GNB3: variants seen among roughly 807,000 people sequenced by gnomAD.
GNB3 encodes guanine nucleotide-binding protein G(I)/G(S)/G(T) subunit beta-3.
Under a neutral mutation model 41.2 loss-of-function variants are expected in GNB3, and 33 were observed. The ratio of observed to expected loss-of-function variants is 0.80; its 90% CI spans 0.61 to 1.07. The LOEUF is 1.07. Among genes scored for constraint, GNB3 ranks in the 50% least tolerant of loss-of-function variants. The pLI, the probability that GNB3 is intolerant of heterozygous loss-of-function variation, is 0.00. For missense variants in GNB3, 409 were observed against 455.3 expected (o/e 0.90, Z 0.92); for synonymous variants, 172 against 173.4 (o/e 0.99, Z 0.06).
At chr12:6,845,355 G>A in intron 8 of GNB3, 1 of 518,928 alleles carries the variant, frequency 1.9e-6, no homozygotes, top group Non-Finnish European at 3.5e-6. Flanking sequence ...ACGTGGAAAT[G>A]ATGCCTGCCT....
Position 6,841,602 on chromosome 12 carries a change from G to A in GNB3, c.74G>A (p.Cys25Tyr), listed in dbSNP as rs782784328. The change falls in exon 3 of 10, where the codon TGT (cysteine) becomes TAT (tyrosine). Residue 25 changes from cysteine (C) to tyrosine (Y), a missense_variant. Cys to Tyr is a radical substitution (Grantham distance 194). Coordinates refer to ENST00000229264, the MANE Select transcript of GNB3 (RefSeq NM_002075.4). ...KKQIADARKA[C>Y]ADVTLAELVS... ...TCCCTGCAGGATGCCAGGAAAGCCTGTGCTGACGTTACTCTGGCAGAGGTA... is the reference window on the plus strand; with the variant it reads ...TCCCTGCAGGATGCCAGGAAAGCCTATGCTGACGTTACTCTGGCAGAGGTA... 3 of 1,613,698 alleles carry A rather than the reference G, an allele frequency of 1.9e-6. No homozygotes were observed. The highest frequency in any genetic ancestry group is 1.7e-6 in the Non-Finnish European group (2 of 1,179,776).
Position 6,843,570 on chromosome 12 carries a change from C to A in GNB3, c.430+45C>A. The A allele has an allele frequency of 6.2e-7, 1 of 1,611,902 alleles. No homozygotes were observed. The highest frequency in any genetic ancestry group is 8.5e-7 in the Non-Finnish European group (1 of 1,177,958). On this transcript the variant is annotated intron_variant, in intron 6 of 9. Transcript: ENST00000229264. The surrounding 1 kb of genome is among the most constrained non-coding windows in gnomAD (Gnocchi z 5.9). ...CTCCCCTCCTGAGGGGTTCAGGGAA[C>A]CCTGGGCTTCCAGTGGGCTGTGGCT... is the stretch of plus-strand genomic sequence containing the variant.
chr12:6,843,272 C>T lies in GNB3; in HGVS notation c.267+35C>T, dbSNP rs1261462029. Reference sequence around the variant, plus strand: ...CTGCCTCCCTGAGCCTCCACCACTGCATCCTTCCTAAGGGCGCCATGCCTA... The same window carrying T: ...CTGCCTCCCTGAGCCTCCACCACTGTATCCTTCCTAAGGGCGCCATGCCTA... On this transcript the variant is annotated intron_variant, in intron 5 of 9. Transcript: ENST00000229264. The surrounding 1 kb of genome is among the most constrained non-coding windows in gnomAD (Gnocchi z 5.9). The T allele has an allele frequency of 6.2e-7, 1 of 1,609,988 alleles. No homozygotes were observed. The highest frequency in any genetic ancestry group is 1.3e-5 in the African/African-American group (1 of 74,816).
At chr12:6,844,386 T>C (rs1943642114) in intron 8 of GNB3, among the ~76,000 whole-genome samples, 1 of 151,884 alleles carries the variant, frequency 6.6e-6, no homozygotes. Context: ...GGATTACAGA[T>C]GTGAGCCACT....
chr12:6,845,798 T>A lies in GNB3; in HGVS notation c.912T>A (p.Arg304=). The A allele has an allele frequency of 1.2e-6, 2 of 1,611,690 alleles. No individual in the cohort carries two copies. Among genetic ancestry groups the A allele is most frequent in the Non-Finnish European group, 1.7e-6 (2 of 1,177,840 alleles). Residue 304 remains arginine, a synonymous_variant, in exon 9 of 10, where the codon CGT becomes CGA. Coordinates refer to ENST00000229264, the MANE Select transcript of GNB3 (RefSeq NM_002075.4). ...TCTGGGACTCCATGAAGTCTGAGCG[T>A]GTGGGTAAGGGCCAGCCCTGGCTGC... The part of the protein sequence containing the change: ...CNVWDSMKSE[R]VGILSGHDNR...
chr12:6,843,859 C>T lies in GNB3; in HGVS notation c.580C>T (p.Pro194Ser), dbSNP rs782538568. 11 of 1,613,944 alleles carry T rather than the reference C, an allele frequency of 6.8e-6. No homozygotes were observed. Among genetic ancestry groups the T allele is most frequent in the Non-Finnish European group, 9.3e-6 (11 of 1,179,878 alleles). ...TGDCMSLAVS[P>S]DFNLFISGAC... Reference sequence around the variant, plus strand: ...TGACTGCATGAGCCTGGCTGTGTCTCCTGACTTCAATCTCTTCATTTCGGG... The same window carrying T: ...TGACTGCATGAGCCTGGCTGTGTCTTCTGACTTCAATCTCTTCATTTCGGG... The change falls in exon 8 of 10, where the codon CCT (proline) becomes TCT (serine). Residue 194 changes from proline (P) to serine (S), a missense_variant. Coordinates refer to ENST00000229264, the MANE Select transcript of GNB3 (RefSeq NM_002075.4). This position sits in a 1 kb window ranked among gnomAD's most constrained non-coding sequence, Gnocchi z 5.9.
rs1040345131 is a variant in GNB3 at position 6,847,040 on chromosome 12, G to A, written c.*142G>A. The A allele has an allele frequency of 4.9e-6, 3 of 612,272 alleles. No homozygotes were observed. The highest frequency in any genetic ancestry group is 4.4e-4 in the Middle Eastern group (1 of 2,292). 37.9% of individuals were successfully genotyped at this position (612,272 alleles called of 1,614,324 possible). A position where few individuals can be genotyped will look rare whatever the true frequency, so the allele number is the denominator to read the frequency against. Reference sequence around the variant, plus strand: ...TCCTTTGAGGGCAGTGGGGAGCATGGGACTGTGCCTTTGGGAGGCAGCATC... The same window carrying A: ...TCCTTTGAGGGCAGTGGGGAGCATGAGACTGTGCCTTTGGGAGGCAGCATC... On this transcript the variant is annotated 3_prime_UTR_variant, in exon 10 of 10. Transcript: ENST00000229264.
chr12:6,843,470 C>T lies in GNB3; in HGVS notation c.375C>T (p.Asn125=). ...GGLDNMCSIY[N]LKSREGNVKV... is the part of the protein sequence containing the mutation. ...TGGACAACATGTGTTCCATCTACAA[C>T]CTCAAATCCCGTGAGGGCAATGTCA... is the stretch of plus-strand genomic sequence containing the variant. The change falls in exon 6 of 10, where the codon AAC becomes AAT. Residue 125 remains asparagine, a synonymous_variant. Coordinates refer to ENST00000229264, the MANE Select transcript of GNB3 (RefSeq NM_002075.4). The surrounding 1 kb of genome is among the most constrained non-coding windows in gnomAD (Gnocchi z 5.9). The T allele has an allele frequency of 6.2e-7, 1 of 1,614,154 alleles. No individual in the cohort carries two copies.
In GNB3 at chr12:6,843,641, C is replaced by T. The variant is rs782199265; in HGVS notation, c.440C>T (p.Ser147Phe). The change falls in exon 7 of 10, where the codon TCC (serine) becomes TTC (phenylalanine). Residue 147 changes from serine to phenylalanine, a missense_variant. Coordinates refer to ENST00000229264, the MANE Select transcript of GNB3 (RefSeq NM_002075.4). This position sits in a 1 kb window ranked among gnomAD's most constrained non-coding sequence, Gnocchi z 5.9. ...RELSAHTGYLSCCRFLDDNNI... is the reference protein window; with the variant it reads ...RELSAHTGYLFCCRFLDDNNI... ...TTCTAACCGCCTCCAGGTTATCTCT[C>T]CTGCTGCCGCTTCCTGGATGACAAC... The T allele has an allele frequency of 6.2e-7, 1 of 1,614,190 alleles. No individual in the cohort carries two copies. Among genetic ancestry groups the T allele is most frequent in the Admixed American group, 1.7e-5 (1 of 60,032 alleles).
At chr12:6,845,417 C>CGT (rs1943666790) in intron 8 of GNB3, 169 bp from the exon 9 acceptor site, 1 of 609,146 alleles carries the variant, frequency 1.6e-6, no homozygotes, top group East Asian at 2.8e-5. Flanking sequence ...GTCACTGGCA[C>CGT]GTGGTATGTG....
In GNB3 at chr12:6,843,853, G is replaced by C; in HGVS notation, c.574G>C (p.Val192Leu). ...GHTGDCMSLA[V>L]SPDFNLFISG... Reference sequence around the variant, plus strand: ...CACGGGTGACTGCATGAGCCTGGCTGTGTCTCCTGACTTCAATCTCTTCAT... The same window carrying C: ...CACGGGTGACTGCATGAGCCTGGCTCTGTCTCCTGACTTCAATCTCTTCAT... The change falls in exon 8 of 10, where the codon GTG (valine) becomes CTG (leucine). Residue 192 changes from valine (V) to leucine (L), a missense_variant. Physicochemically the swap from Val to Leu is conservative, Grantham distance 32. Coordinates refer to ENST00000229264, the MANE Select transcript of GNB3 (RefSeq NM_002075.4). The surrounding 1 kb of genome is among the most constrained non-coding windows in gnomAD (Gnocchi z 5.9). 1 of 1,614,040 alleles carries C rather than the reference G, an allele frequency of 6.2e-7. No homozygotes were observed. The highest frequency in any genetic ancestry group is 1.3e-5 in the African/African-American group (1 of 75,028).
Position 6,845,721 on chromosome 12 carries a change from TC to T in GNB3, c.838del (p.Leu280SerfsTer21). 6.2e-7 allele frequency: 1 copy of T among 1,614,062 alleles called. No homozygotes were observed. The highest frequency in any genetic ancestry group is 1.7e-5 in the Admixed American group (1 of 60,028). On this transcript the variant is annotated frameshift_variant, in exon 9 of 10. Coordinates refer to ENST00000229264, the MANE Select transcript of GNB3 (RefSeq NM_002075.4). LOFTEE classifies it high-confidence loss of function. Reference sequence around the variant, plus strand: ...CTGCGGCATCACGTCCGTGGCCTTCTCCCTCAGTGGCCGCCTACTATTCGCT... The same window carrying T: ...CTGCGGCATCACGTCCGTGGCCTTCTCCTCAGTGGCCGCCTACTATTCGCT... ...IICGITSVAF[S>X]LSGRLLFAGY...
chr12:6,843,832 G>T lies in GNB3; in HGVS notation c.553G>T (p.Gly185Cys), dbSNP rs782113998. 6 of 1,614,096 alleles carry T rather than the reference G, an allele frequency of 3.7e-6. No individual in the cohort carries two copies. In the South Asian group the frequency reaches 6.6e-5, roughly 18 times the overall value. ...GAAGACTGTATTTGTGGGACACACGGGTGACTGCATGAGCCTGGCTGTGTC... is the reference window on the plus strand; with the variant it reads ...GAAGACTGTATTTGTGGGACACACGTGTGACTGCATGAGCCTGGCTGTGTC... ...QQKTVFVGHT[G>C]DCMSLAVSPD... Residue 185 changes from glycine to cysteine, a missense_variant, in exon 8 of 10, where the codon GGT becomes TGT. Physicochemically the swap from Gly to Cys is radical, Grantham distance 159. Transcript: ENST00000229264. This position sits in a 1 kb window ranked among gnomAD's most constrained non-coding sequence, Gnocchi z 5.9.
Position 6,842,953 on chromosome 12 carries a change from T to C in GNB3, c.97-17T>C. 2 of 1,496,742 alleles carry C rather than the reference T, an allele frequency of 1.3e-6. No individual in the cohort carries two copies. The highest frequency in any genetic ancestry group is 1.3e-5 in the South Asian group (1 of 78,170). The allele number at this position is 1,496,742 out of a possible 1,614,324, so 92.7% of individuals were successfully genotyped here. A position where few individuals can be genotyped will look rare whatever the true frequency, so the allele number is the denominator to read the frequency against. On this transcript the variant is annotated splice_polypyrimidine_tract_variant and intron_variant, in intron 3 of 9. Coordinates refer to ENST00000229264, the MANE Select transcript of GNB3 (RefSeq NM_002075.4). ...GTAACCTGCTCACCCTGATATTCAGTGCCCCTCTCTCTGCAGCTGGTGTCT... is the reference window on the plus strand; with the variant it reads ...GTAACCTGCTCACCCTGATATTCAGCGCCCCTCTCTCTGCAGCTGGTGTCT...
At position 6,842,988 on chromosome 12, in the gene GNB3, G is replaced by A; in HGVS notation, c.115G>A (p.Val39Met). 2 of 1,550,550 alleles carry A rather than the reference G, an allele frequency of 1.3e-6. No homozygotes were observed. The highest frequency in any genetic ancestry group is 1.7e-6 in the Non-Finnish European group (2 of 1,143,102). Residue 39 changes from valine (V) to methionine (M), a missense_variant, in exon 4 of 10, where the codon GTG (valine) becomes ATG (methionine). Transcript: ENST00000229264. ...TCTGCAGCTGGTGTCTGGCCTAGAG[G>A]TGGTGGGACGAGTCCAGATGCGGAC... ...TLAELVSGLEVVGRVQMRTRR... is the reference protein window; with the variant it reads ...TLAELVSGLEMVGRVQMRTRR...
chr12:6,843,501 A>T lies in GNB3; in HGVS notation c.406A>T (p.Ser136Cys). 6.2e-7 allele frequency: 1 copy of T among 1,614,228 alleles called. No homozygotes were observed. Among genetic ancestry groups the T allele is most frequent in the Non-Finnish European group, 8.5e-7 (1 of 1,180,020 alleles). ...ATCCCGTGAGGGCAATGTCAAGGTC[A>T]GCCGGGAGCTTTCTGCTCACACAGG... ...LKSREGNVKV[S>C]RELSAHTGYL... The change falls in exon 6 of 10, where the codon AGC becomes TGC. Residue 136 changes from serine to cysteine, a missense_variant. By Grantham distance (112) the Ser-to-Cys change is moderately radical. Transcript: ENST00000229264. This position sits in a 1 kb window ranked among gnomAD's most constrained non-coding sequence, Gnocchi z 5.9.
intron 8 of GNB3, 89 bp downstream of exon 8, chr12:6,844,067 T>G: frequency 1.4e-6 from 1 of 714,368 alleles, no homozygotes; most frequent in Non-Finnish European, 2.3e-6. Context: ...GCCCCTCCCA[T>G]AGCTTCCCTA....
At position 6,843,074 on chromosome 12, in the gene GNB3, TA is replaced by T; in HGVS notation, c.203del (p.Lys68SerfsTer4). On this transcript the variant is annotated frameshift_variant and splice_region_variant, in exon 4 of 10. Transcript: ENST00000229264. LOFTEE classifies it high-confidence loss of function. The surrounding 1 kb of genome is among the most constrained non-coding windows in gnomAD (Gnocchi z 5.9). ...ACGCCATGCACTGGGCCACTGATTC[TA>T]AGTGAGGCTTGGGGGGGAACCGAGA... ...IYAMHWATDS[K>X]LLVSASQDGK... 6.2e-7 allele frequency: 1 copy of T among 1,603,590 alleles called. No individual in the cohort carries two copies. Among genetic ancestry groups the T allele is most frequent in the Non-Finnish European group, 8.5e-7 (1 of 1,171,772 alleles).
chr12:6,844,793 T>C (rs1030270526), intron 8 of GNB3: 4 of 152,222 alleles, frequency 2.6e-5, no homozygotes, highest in African/African-American at 9.7e-5. Flanking sequence ...ACATACACAC[T>C]TAGATGTAGA....
Sources: allele counts gnomAD v4.1 joint callset (sites outside exome capture counted in the v4.1 genomes callset), GRCh38; gene constraint gnomAD v4.1.1; non-coding constraint Gnocchi (gnomAD v3.1); transcripts MANE v1.5; gene names NCBI Gene and HGNC (gene_info 2026-07-23, HGNC 2026-07-21).